COX6C: variants seen among roughly 807,000 people sequenced by gnomAD.
COX6C encodes the protein cytochrome c oxidase polypeptide VIc.
Under a neutral mutation model 6.9 loss-of-function variants are expected in COX6C, and 3 were observed. The ratio of observed to expected loss-of-function variants is 0.43; its 90% CI spans 0.20 to 1.12. COX6C has a LOEUF of 1.12. Ranked by LOEUF, COX6C falls within the 50% of genes most tolerant of loss-of-function variation. COX6C has a pLI of 0.27. For missense variants in COX6C, 101 were observed against 97.3 expected, an observed-to-expected ratio of 1.04 and a Z score of -0.16; for synonymous variants, 32 against 32.0, an observed-to-expected ratio of 1.00 and a Z score of 0.00.
chr8:99,884,456 G>GAT (rs1176380051), intron 3 of COX6C, among the ~76,000 whole-genome samples: 3 of 152,088 alleles, frequency 2.0e-5, no homozygotes, highest in Non-Finnish European at 2.9e-5. Context: ...AGATGAAACA[G>GAT]ATATATACCT....
At chr8:99,886,722 T>C (rs570797970) in intron 3 of COX6C, among the ~76,000 whole-genome samples, 197 of 152,312 alleles carry the variant, frequency 1.3e-3, no homozygotes, top group African/African-American at 4.1e-3. Flanking sequence ...GAACCTTGAG[T>C]ACACTACGCT....
intron 1 of COX6C, chr8:99,892,907 G>A (rs1027538088): frequency 6.6e-5 from 10 of 152,206 alleles, no homozygotes; most frequent in Admixed American, 4.6e-4. Flanking sequence ...AGATCATGAG[G>A]CAGGTGTTTT....
intron 3 of COX6C, among the ~76,000 whole-genome samples, chr8:99,884,171 C>T (rs1277540681): frequency 1.3e-5 from 2 of 152,040 alleles, no homozygotes; most frequent in Non-Finnish European, 2.9e-5. Flanking sequence ...AAGCAACATC[C>T]AAAAAGGAAA....
At chr8:99,891,858 C>G in intron 2 of COX6C, 50 bp downstream of exon 2, 2 of 1,558,054 alleles carry the variant, frequency 1.3e-6, no homozygotes, top group African/African-American at 1.4e-5. Flanking sequence ...ATTTTTCAAC[C>G]AAAAACACAT....
chr8:99,888,348 G>A (rs1817976038), intron 2 of COX6C, among the ~76,000 whole-genome samples: 2 of 152,000 alleles, frequency 1.3e-5, no homozygotes, highest in South Asian at 2.1e-4. Flanking sequence ...CAAGGGGGGC[G>A]AATCACAAGG....
At chr8:99,884,374 T>C (rs1817911987) in intron 3 of COX6C, among the ~76,000 whole-genome samples, 1 of 152,160 alleles carries the variant, frequency 6.6e-6, no homozygotes, top group East Asian at 1.9e-4. Flanking sequence ...AATAATTCTA[T>C]TTATAATAGC....
intron 3 of COX6C, among the ~76,000 whole-genome samples, chr8:99,881,546 T>C (rs371079822): frequency 1.3e-5 from 2 of 152,204 alleles, no homozygotes; most frequent in East Asian, 1.9e-4. Context: ...AGTTTTTATA[T>C]GCAATTGAGG....
intron 3 of COX6C, among the ~76,000 whole-genome samples, chr8:99,881,295 A>T (rs1266817969): frequency 6.6e-6 from 1 of 151,996 alleles, no homozygotes; most frequent in Admixed American, 6.6e-5. Flanking sequence ...ACGAGGCGGA[A>T]GTTGCAGTGA....
chr8:99,887,787 C>T (rs906099968), intron 2 of COX6C, among the ~76,000 whole-genome samples, 169 bp from the exon 3 acceptor site: 1 of 152,026 alleles, frequency 6.6e-6, no homozygotes, highest in Non-Finnish European at 1.5e-5. Flanking sequence ...AAGACAAAGT[C>T]TAAGAAACTG....
chr8:99,887,552 C>G lies in COX6C; in HGVS notation c.181G>C (p.Asp61His). ...CCAGCCTTCCTCATCTCCTCAAAAT[C>G]TTTCATGACATCGTAGTTTCTGTAG... ...DFYRNYDVMKDFEEMRKAGIF... is the reference protein window; with the variant it reads ...DFYRNYDVMKHFEEMRKAGIF... The change falls in exon 3 of 4, where the codon GAT becomes CAT. Residue 61 changes from aspartate (D) to histidine (H), a missense_variant. Transcript: ENST00000520468. 6.2e-7 allele frequency: 1 copy of G among 1,610,712 alleles called. No individual in the cohort carries two copies. Among genetic ancestry groups the G allele is most frequent in the Non-Finnish European group, 8.5e-7 (1 of 1,178,932 alleles).
chr8:99,891,827 A>G, intron 2 of COX6C, 81 bp downstream of exon 2: 1 of 1,184,126 alleles, frequency 8.4e-7, no homozygotes, highest in Non-Finnish European at 1.3e-6. Context: ...AACACATTAC[A>G]AGGGGGAGTT....
chr8:99,891,966 A>G lies in COX6C; in HGVS notation c.56T>C (p.Leu19Pro). Residue 19 changes from leucine (L) to proline (P), a missense_variant, in exon 2 of 4, where the codon CTG becomes CCG. Transcript: ENST00000520468. The part of the protein sequence containing the change: ...PRMRGLLARR[L>P]RNHMAVAFVL... ...GAATGCTACAGCCATATGATTTCGCAGACGCCTGGCCAGAAGGCCACGCAT... is the reference window on the plus strand; with the variant it reads ...GAATGCTACAGCCATATGATTTCGCGGACGCCTGGCCAGAAGGCCACGCAT... 1.2e-6 allele frequency: 2 copies of G among 1,614,104 alleles called. No individual in the cohort carries two copies. Among genetic ancestry groups the G allele is most frequent in the Non-Finnish European group, 1.7e-6 (2 of 1,180,040 alleles).
At chr8:99,881,354 C>T (rs1817861143) in intron 3 of COX6C, among the ~76,000 whole-genome samples, 2 of 148,848 alleles carry the variant, frequency 1.3e-5, no homozygotes, top group African/African-American at 4.9e-5. Flanking sequence ...AGTAAGACTC[C>T]ATCTCTTAAA....
At chr8:99,880,825 G>C (rs1817850817) in intron 3 of COX6C, among the ~76,000 whole-genome samples, 1 of 151,842 alleles carries the variant, frequency 6.6e-6, no homozygotes. Context: ...AAAGGGCAGA[G>C]AGCTTAAAAA....
intron 3 of COX6C, among the ~76,000 whole-genome samples, chr8:99,881,700 CAAAG>C (rs1471427482): frequency 3.9e-5 from 6 of 152,074 alleles, no homozygotes; most frequent in African/African-American, 1.2e-4. Flanking sequence ...AAATGAGGGA[CAAAG>C]AAGCTGTAAG....
intron 3 of COX6C, chr8:99,886,448 T>A (rs948991924): frequency 2.0e-5 from 3 of 151,898 alleles, no homozygotes; most frequent in Non-Finnish European, 2.9e-5. Flanking sequence ...GCAGCCACTA[T>A]GGAAAAGGGT....
intron 3 of COX6C, 102 bp downstream of exon 3, chr8:99,887,388 C>G: frequency 1.7e-6 from 1 of 598,248 alleles, no homozygotes; most frequent in East Asian, 3.2e-5. Context: ...ATCGTAAAGT[C>G]AAAAAATCTT....
chr8:99,881,539 T>C (rs1028728972), intron 3 of COX6C, among the ~76,000 whole-genome samples: 2 of 152,154 alleles, frequency 1.3e-5, no homozygotes, highest in Non-Finnish European at 2.9e-5. Context: ...GGAGTTGAGT[T>C]TTTATATGCA....
chr8:99,881,291 C>T (rs1017073700), intron 3 of COX6C, among the ~76,000 whole-genome samples: 4 of 151,094 alleles, frequency 2.6e-5, no homozygotes, highest in Admixed American at 6.6e-5. Flanking sequence ...ACCCACGAGG[C>T]GGAAGTTGCA....
Sources: gnomAD v4.1 joint callset for allele counts (sites outside exome capture counted in the v4.1 genomes callset) on GRCh38, gnomAD v4.1.1 for gene constraint, MANE v1.5 for transcripts, NCBI Gene and HGNC (gene_info 2026-07-23, HGNC 2026-07-21) for gene names.